Variants in DEPDC5 observed in about 807,000 individuals in gnomAD.
DEPDC5 encodes the protein GATOR1 complex protein DEPDC5.
A neutral mutation model predicts 217.3 loss-of-function variants in DEPDC5; 73 were observed. The observed-to-expected ratio is 0.34, with a 90% CI of 0.28 to 0.41. The LOEUF is 0.41. Among genes scored for constraint, DEPDC5 ranks in the 10% least tolerant of loss-of-function variants. The probability of loss-of-function intolerance (pLI) is 1.00; values close to 1 mark genes in which losing one functional copy is unlikely to be tolerated. For missense variants in DEPDC5, 1,675 were observed against 2,070.1 expected, an observed-to-expected ratio of 0.81 and a Z score of 3.70; for synonymous variants, 733 against 756.7, an observed-to-expected ratio of 0.97 and a Z score of 0.51.
rs2086521058 is a variant in DEPDC5 at position 31,798,579 on chromosome 22, C to T, written c.872-3C>T. 1.9e-6 allele frequency: 3 copies of T among 1,608,272 alleles called. No homozygotes were observed. Among genetic ancestry groups the T allele is most frequent in the East Asian group, 2.2e-5 (1 of 44,650 alleles). ...TTTCTTTCTCTTGCATATTTTGCTTCAGAGGGCTTTCCTCAAGGAGATAAT... is the reference window on the plus strand; with the variant it reads ...TTTCTTTCTCTTGCATATTTTGCTTTAGAGGGCTTTCCTCAAGGAGATAAT... On this transcript the variant is annotated splice_polypyrimidine_tract_variant and splice_region_variant and intron_variant, in intron 13 of 42. Transcript: ENST00000651528.
chr22:31,873,006 C>T (rs989743050), intron 34 of DEPDC5, among the ~76,000 whole-genome samples: 3 of 152,126 alleles, frequency 2.0e-5, no homozygotes, highest in African/African-American at 7.2e-5. Flanking sequence ...CCACGTGCCT[C>T]AGCTTCCCAA....
intron 5 of DEPDC5, among the ~76,000 whole-genome samples, chr22:31,766,072 A>G (rs2082790555): frequency 6.6e-6 from 1 of 152,210 alleles, no homozygotes. Context: ...TGTCATTTAG[A>G]ATGTAGGCAG....
intron 37 of DEPDC5, 149 bp downstream of exon 37, chr22:31,876,414 A>G: frequency 1.6e-6 from 1 of 625,470 alleles, no homozygotes; most frequent in South Asian, 2.0e-5. Context: ...CTTTGTACTT[A>G]ATTTAAGCAT....
intron 31 of DEPDC5, among the ~76,000 whole-genome samples, chr22:31,856,155 G>GCACACACACACACACACACA (rs136863): frequency 1.4e-5 from 2 of 140,570 alleles, no homozygotes; most frequent in African/African-American, 5.3e-5. Context: ...GGGCCAACGC[G>GCACACACACACACACACACA]CACACACACA....
chr22:31,879,128 ATAC>A (rs1268724141), intron 37 of DEPDC5, among the ~76,000 whole-genome samples: 2 of 148,020 alleles, frequency 1.4e-5, no homozygotes, highest in African/African-American at 4.9e-5. Context: ...ACATATATAT[ATAC>A]ATATATATTT....
intron 33 of DEPDC5, 103 bp downstream of exon 33, chr22:31,861,536 T>C: frequency 8.1e-7 from 1 of 1,238,062 alleles, no homozygotes; most frequent in Non-Finnish European, 1.1e-6. Flanking sequence ...GCAACTAAGT[T>C]TGGGGGGCAG....
intron 38 of DEPDC5, chr22:31,880,225 A>G (rs1413321431): frequency 1.7e-5 from 3 of 175,860 alleles, no homozygotes; most frequent in South Asian, 1.3e-4. Flanking sequence ...TTCCTCCCCA[A>G]ATGTGCTTAC....
intron 12 of DEPDC5, 80 bp from the exon 13 acceptor site, chr22:31,797,520 T>G: frequency 3.9e-5 from 45 of 1,143,082 alleles, no homozygotes; most frequent in Middle Eastern, 2.0e-4. Flanking sequence ...TATTACAATT[T>G]GAGATGAAAT....
chr22:31,905,090 A>G (rs531190882), intron 41 of DEPDC5, among the ~76,000 whole-genome samples: 1 of 152,214 alleles, frequency 6.6e-6, no homozygotes, highest in South Asian at 2.1e-4. Context: ...ATGGAAATAG[A>G]AAAACCAGGA....
intron 24 of DEPDC5, among the ~76,000 whole-genome samples, chr22:31,828,386 A>G (rs1244638852): frequency 3.7e-5 from 5 of 136,822 alleles, no homozygotes; most frequent in Middle Eastern, 4.0e-3. Context: ...CGGGAGGCGG[A>G]GGTTGCAGTG....
chr22:31,899,870 C>T (rs1378703908), intron 40 of DEPDC5, among the ~76,000 whole-genome samples: 4 of 152,238 alleles, frequency 2.6e-5, no homozygotes, highest in Middle Eastern at 3.4e-3. Context: ...TGGTGCTGTG[C>T]GACAGCCTTC....
At chr22:31,881,455 T>A (rs1486113986) in intron 38 of DEPDC5, among the ~76,000 whole-genome samples, 1 of 152,128 alleles carries the variant, frequency 6.6e-6, no homozygotes, top group African/African-American at 2.4e-5. Context: ...CATGACTTGC[T>A]CTTCTCCCTT....
chr22:31,815,817 A>G (rs571259343), intron 21 of DEPDC5: 10 of 1,215,676 alleles, frequency 8.2e-6, no homozygotes, highest in East Asian at 3.8e-5. Context: ...GCATGAACCA[A>G]TGTTACCGCA....
Position 31,805,074 on chromosome 22 carries a change from A to G in DEPDC5, c.1217+159A>G, listed in dbSNP as rs188857137. 14 of 629,474 alleles carry G rather than the reference A, an allele frequency of 2.2e-5. No individual in the cohort carries two copies. In the East Asian group the frequency reaches 4.2e-4, roughly 19 times the overall value. 39.0% of individuals were successfully genotyped at this position (629,474 alleles called of 1,614,324 possible). ...ATTTGCTCAAAGCTCTGTACACACA[A>G]AGCAGTAGCAGTATCATAGGAACAG... On this transcript the variant is annotated intron_variant, in intron 17 of 42. Coordinates refer to ENST00000651528, the MANE Select transcript of DEPDC5 (RefSeq NM_001242896.3).
chr22:31,851,409 A>G (rs2092020522), intron 31 of DEPDC5, among the ~76,000 whole-genome samples: 1 of 152,162 alleles, frequency 6.6e-6, no homozygotes, highest in African/African-American at 2.4e-5. Context: ...TGAGGAAGAG[A>G]AAACATTGCC....
At chr22:31,859,143 T>A (rs1367414807) in intron 32 of DEPDC5, 2 of 129,318 alleles carry the variant, frequency 1.5e-5, no homozygotes, top group South Asian at 5.1e-4. Context: ...CAGGCTGGAG[T>A]GCAGTGGCGC....
rs1483730403 is a variant in DEPDC5 at position 31,822,686 on chromosome 22, T to G, written c.2007-7T>G. On this transcript the variant is annotated splice_polypyrimidine_tract_variant and splice_region_variant and intron_variant, in intron 23 of 42. Coordinates refer to ENST00000651528, the MANE Select transcript of DEPDC5 (RefSeq NM_001242896.3). ...TAAGCCAGGTGGCTGGGCTCTGTTCTCTGCAGGCACAGCAATTCCCGCCAG... is the reference window on the plus strand; with the variant it reads ...TAAGCCAGGTGGCTGGGCTCTGTTCGCTGCAGGCACAGCAATTCCCGCCAG... The G allele has an allele frequency of 6.2e-7, 1 of 1,613,950 alleles. No individual in the cohort carries two copies. Among genetic ancestry groups the G allele is most frequent in the East Asian group, 2.2e-5 (1 of 44,884 alleles).
chr22:31,831,775 T>C (rs1001434481), intron 24 of DEPDC5, among the ~76,000 whole-genome samples: 1 of 152,242 alleles, frequency 6.6e-6, no homozygotes, highest in African/African-American at 2.4e-5. Context: ...AAATTAGTTA[T>C]TTAAAAATTT....
At chr22:31,901,891 T>C (rs949273646) in intron 41 of DEPDC5, 89 bp downstream of exon 41, 4 of 1,261,754 alleles carry the variant, frequency 3.2e-6, no homozygotes, top group Non-Finnish European at 4.5e-6. Context: ...TTTTTTTAGC[T>C]CCTAGAGAAA....
Sources: allele counts gnomAD v4.1 joint callset (sites outside exome capture counted in the v4.1 genomes callset), GRCh38; gene constraint gnomAD v4.1.1; transcripts MANE v1.5; gene names NCBI Gene and HGNC (gene_info 2026-07-23, HGNC 2026-07-21).